Variants in ZNF493 observed in about 807,000 individuals in gnomAD.
The protein encoded by ZNF493 is zinc finger protein 493.
ZNF493 carries 11 observed loss-of-function variants against 12.2 expected under a neutral mutation model. The ratio of observed to expected loss-of-function variants is 0.90; its 90% CI spans 0.57 to 1.50. ZNF493 has a LOEUF of 1.50. Ranked by LOEUF, ZNF493 falls within the 40% of genes most tolerant of loss-of-function variation. The probability of loss-of-function intolerance (pLI) is 0.00; values close to 1 mark genes in which losing one functional copy is unlikely to be tolerated. For synonymous variants in ZNF493, 286 were observed against 302.6 expected, an observed-to-expected ratio of 0.95 and a Z score of 0.57; for missense variants, 950 against 906.6, an observed-to-expected ratio of 1.05 and a Z score of -0.61.
In ZNF493 at chr19:21,424,790, A is replaced by G. The variant is rs774423574; in HGVS notation, c.2131A>G (p.Lys711Glu). 1 of 1,613,366 alleles carries G rather than the reference A, an allele frequency of 6.2e-7. No homozygotes were observed. The highest frequency in any genetic ancestry group is 8.5e-7 in the Non-Finnish European group (1 of 1,179,662). The part of the protein sequence containing the change: ...NTHKIIHTGE[K>E]PCKCEECGKA... ...GCATAAGATAATTCATACTGGAGAG[A>G]AACCTTGCAAATGTGAAGAATGTGG... The change falls in exon 4 of 4, where the codon AAA becomes GAA. Residue 711 changes from lysine (K) to glutamate (E), a missense_variant. Coordinates refer to ENST00000392288, the MANE Select transcript of ZNF493 (RefSeq NM_001076678.3).
chr19:21,425,869 G>A lies in ZNF493; in HGVS notation c.*885G>A. 1.7e-6 allele frequency: 1 copy of A among 586,798 alleles called. No homozygotes were observed. The highest frequency in any genetic ancestry group is 3.3e-6 in the Non-Finnish European group (1 of 307,550). The allele number at this position is 586,798 out of a possible 1,614,324, so 36.3% of individuals were successfully genotyped here. ...GAAACCATACAACTGTGAAGAATGTGGCAAAGCTTTTAACCAGTCCTCAAA... is the reference window on the plus strand; with the variant it reads ...GAAACCATACAACTGTGAAGAATGTAGCAAAGCTTTTAACCAGTCCTCAAA... On this transcript the variant is annotated 3_prime_UTR_variant, in exon 4 of 4. Transcript: ENST00000392288.
chr19:21,402,196 T>C (rs62110417), intron 1 of ZNF493, among the ~76,000 whole-genome samples: 54,223 of 151,894 alleles, frequency 0.36, 10,527 homozygotes, highest in Non-Finnish European at 0.45. Context: ...CTCGATCTCC[T>C]GACCTTGTGA....
chr19:21,407,611 ATTGTATCC>A (rs1383986268), intron 3 of ZNF493: 10 of 978,976 alleles, frequency 1.0e-5, no homozygotes, highest in Non-Finnish European at 1.1e-5. Context: ...TTTTATTTCT[ATTGTATCC>A]AATAGCTTGT....
In ZNF493 at chr19:21,423,153, A is replaced by C; in HGVS notation, c.494A>C (p.Lys165Thr). Residue 165 changes from lysine to threonine, a missense_variant, in exon 4 of 4, where the codon AAA becomes ACA. By Grantham distance (78) the Lys-to-Thr change is moderately conservative. Coordinates refer to ENST00000392288, the MANE Select transcript of ZNF493 (RefSeq NM_001076678.3). The part of the protein sequence containing the change: ...QCDKYVKVFH[K>T]LLNSNRHNTK... Reference sequence around the variant, plus strand: ...GATAAATATGTGAAAGTCTTTCATAAACTTTTAAATTCAAATAGACATAAC... The same window carrying C: ...GATAAATATGTGAAAGTCTTTCATACACTTTTAAATTCAAATAGACATAAC... 6.2e-7 allele frequency: 1 copy of C among 1,613,532 alleles called. No homozygotes were observed. The highest frequency in any genetic ancestry group is 2.2e-5 in the East Asian group (1 of 44,802).
Position 21,425,544 on chromosome 19 carries a change from G to C in ZNF493, c.*560G>C, listed in dbSNP as rs571109161. On this transcript the variant is annotated 3_prime_UTR_variant, in exon 4 of 4. Transcript: ENST00000392288. ...CTACAAATGTGAGGAATGTGGCAAA[G>C]CCTTTAGCCTGTCCCTCCAATTTAC... The C allele has an allele frequency of 5.3e-6, 3 of 563,410 alleles. No individual in the cohort carries two copies. The highest frequency in any genetic ancestry group is 2.3e-5 in the Admixed American group (1 of 44,408). 34.9% of individuals were successfully genotyped at this position (563,410 alleles called of 1,614,324 possible).
chr19:21,415,090 G>C (rs970373806), intron 3 of ZNF493, among the ~76,000 whole-genome samples: 1 of 151,590 alleles, frequency 6.6e-6, no homozygotes, highest in Non-Finnish European at 1.5e-5. Flanking sequence ...TAAATAAGGA[G>C]TTAGAGTCCA....
At chr19:21,406,055 C>G (rs900084248) in intron 3 of ZNF493, among the ~76,000 whole-genome samples, 199 bp downstream of exon 3, 6 of 151,962 alleles carry the variant, frequency 3.9e-5, no homozygotes, top group African/African-American at 1.5e-4. Flanking sequence ...AACTCTGTCT[C>G]TACTAAAAAT....
intron 3 of ZNF493, among the ~76,000 whole-genome samples, chr19:21,422,114 G>A (rs1196966576): frequency 2.6e-5 from 4 of 152,170 alleles, no homozygotes; most frequent in African/African-American, 7.2e-5. Flanking sequence ...AAAGTGCTGG[G>A]ATTATGTGCA....
rs1385896166 is a variant in ZNF493 at position 21,426,052 on chromosome 19, G to C, written c.*1068G>C. The C allele has an allele frequency of 2.3e-6, 1 of 431,050 alleles. No homozygotes were observed. Among genetic ancestry groups the C allele is most frequent in the Non-Finnish European group, 4.6e-6 (1 of 218,722 alleles). The allele number at this position is 431,050 out of a possible 1,614,324, so 26.7% of individuals were successfully genotyped here. ...AAAAATATGGCAAAGGCTTTAACTA[G>C]TCCTCAGTTCTTAACACACATACGA... On this transcript the variant is annotated 3_prime_UTR_variant, in exon 4 of 4. Coordinates refer to ENST00000392288, the MANE Select transcript of ZNF493 (RefSeq NM_001076678.3).
Position 21,427,111 on chromosome 19 carries a change from T to G in ZNF493, c.*2127T>G, listed in dbSNP as rs1236582114. ...TTCTTCTTCATTAGATGGGCATTAT[T>G]TATGATCTTTTCTATGGATGAGTAA... On this transcript the variant is annotated 3_prime_UTR_variant, in exon 4 of 4. Transcript: ENST00000392288. The G allele has an allele frequency of 6.0e-6, 1 of 167,032 alleles. No homozygotes were observed. Among genetic ancestry groups the G allele is most frequent in the Non-Finnish European group, 1.5e-5 (1 of 68,120 alleles). The allele number at this position is 167,032 out of a possible 1,614,324, so 10.3% of individuals were successfully genotyped here.
At chr19:21,411,626 G>GGGA (rs2030329704) in intron 3 of ZNF493, among the ~76,000 whole-genome samples, 1 of 151,786 alleles carries the variant, frequency 6.6e-6, no homozygotes, top group African/African-American at 2.4e-5. Context: ...AGGCTGAGGT[G>GGGA]GGAGAATTGC....
At chr19:21,403,888 T>G (rs938285159) in intron 1 of ZNF493, among the ~76,000 whole-genome samples, 1 of 152,226 alleles carries the variant, frequency 6.6e-6, no homozygotes, top group Non-Finnish European at 1.5e-5. Context: ...TGGCTTCTTA[T>G]ACGCCATGCA....
chr19:21,422,897 T>C lies in ZNF493; in HGVS notation c.254-16T>C. The C allele has an allele frequency of 4.6e-6, 7 of 1,524,632 alleles. No homozygotes were observed. Among genetic ancestry groups the C allele is most frequent in the Non-Finnish European group, 6.1e-6 (7 of 1,141,554 alleles). The allele number at this position is 1,524,632 out of a possible 1,614,324, so 94.4% of individuals were successfully genotyped here. A position where few individuals can be genotyped will look rare whatever the true frequency, so the allele number is the denominator to read the frequency against. ...GTCTAGTAAGTGGAGTAATTTGATA[T>C]TTTTATTTCTTTCAGTTATATGTTC... On this transcript the variant is annotated splice_polypyrimidine_tract_variant and intron_variant, in intron 3 of 3. Coordinates refer to ENST00000392288, the MANE Select transcript of ZNF493 (RefSeq NM_001076678.3).
chr19:21,416,311 T>C (rs1056498692), intron 3 of ZNF493, among the ~76,000 whole-genome samples: 6 of 152,190 alleles, frequency 3.9e-5, no homozygotes, highest in Non-Finnish European at 8.8e-5. Flanking sequence ...TTGAGGGCTA[T>C]ATAATTGTTC....
rs1447032693 is a variant in ZNF493 at position 21,425,503 on chromosome 19, A to G, written c.*519A>G. The G allele has an allele frequency of 2.0e-6, 1 of 500,436 alleles. No individual in the cohort carries two copies. Among genetic ancestry groups the G allele is most frequent in the East Asian group, 4.2e-5 (1 of 23,836 alleles). 31.0% of individuals were successfully genotyped at this position (500,436 alleles called of 1,614,324 possible). A position where few individuals can be genotyped will look rare whatever the true frequency, so the allele number is the denominator to read the frequency against. ...TCCATTAGTAAACATAAGATAATTC[A>G]TACTGGAGAGAAAACCTACAAATGT... On this transcript the variant is annotated 3_prime_UTR_variant, in exon 4 of 4. Transcript: ENST00000392288.
chr19:21,413,112 G>A (rs1156358311), intron 3 of ZNF493: 5 of 293,338 alleles, frequency 1.7e-5, no homozygotes, highest in Non-Finnish European at 3.2e-5. Flanking sequence ...GATTCCATGG[G>A]AATCATTGTG....
At chr19:21,400,031 T>C (rs1415126455) in intron 1 of ZNF493, among the ~76,000 whole-genome samples, 2 of 152,198 alleles carry the variant, frequency 1.3e-5, no homozygotes, top group Non-Finnish European at 2.9e-5. Flanking sequence ...CATTGTTAAC[T>C]GCATGATTTT....
rs1234774486 is a variant in ZNF493 at position 21,424,308 on chromosome 19, G to A, written c.1649G>A (p.Cys550Tyr). ...GAAAAACCCTACAAATGTGAAGAATGTGGCAAAGCTTTTAATCGGTCCTCA... is the reference window on the plus strand; with the variant it reads ...GAAAAACCCTACAAATGTGAAGAATATGGCAAAGCTTTTAATCGGTCCTCA... ...TGEKPYKCEE[C>Y]GKAFNRSSHL... The change falls in exon 4 of 4, where the codon TGT becomes TAT. Residue 550 changes from cysteine (C) to tyrosine (Y), a missense_variant. Coordinates refer to ENST00000392288, the MANE Select transcript of ZNF493 (RefSeq NM_001076678.3). The A allele has an allele frequency of 6.2e-7, 1 of 1,613,650 alleles. No homozygotes were observed. The highest frequency in any genetic ancestry group is 1.3e-5 in the African/African-American group (1 of 74,992).
At chr19:21,420,612 TATATATATATA>T (rs1376500284) in intron 3 of ZNF493, among the ~76,000 whole-genome samples, 15 of 19,822 alleles carry the variant, frequency 7.6e-4, no homozygotes, top group African/African-American at 1.6e-3. Flanking sequence ...TATATATATA[TATATATATATA>T]TTTTTTTTTT....
Sources: gnomAD v4.1 joint callset for allele counts (sites outside exome capture counted in the v4.1 genomes callset) on GRCh38, gnomAD v4.1.1 for gene constraint, MANE v1.5 for transcripts, NCBI Gene and HGNC (gene_info 2026-07-23, HGNC 2026-07-21) for gene names.